The following FES variants were observed in gnomAD, a reference collection of about 807,000 sequenced individuals.
FES encodes FES proto-oncogene, tyrosine kinase, also known as tyrosine-protein kinase Fes/Fps.
FES carries 83 observed loss-of-function variants against 109.6 expected under a neutral mutation model. The ratio of observed to expected loss-of-function variants is 0.76; its 90% CI spans 0.63 to 0.91. The LOEUF (loss-of-function observed/expected upper bound fraction) is 0.91. Among genes scored for constraint, FES ranks in the 40% least tolerant of loss-of-function variants. The probability of loss-of-function intolerance (pLI) is 0.00; values close to 1 mark genes in which losing one functional copy is unlikely to be tolerated. For synonymous variants in FES, 458 were observed against 442.1 expected, an observed-to-expected ratio of 1.04 and a Z score of -0.45; for missense variants, 943 against 1,070.9, an observed-to-expected ratio of 0.88 and a Z score of 1.67.
intron 11 of FES, 134 bp downstream of exon 11, chr15:90,891,325 G>A (rs1383078118): frequency 5.1e-6 from 6 of 1,187,410 alleles, no homozygotes; most frequent in Non-Finnish European, 7.1e-6. Context: ...TGGCTGGAAG[G>A]GGCCACAGAG....
At position 90,891,044 on chromosome 15, in the gene FES, C is replaced by T. The variant is rs2033168557; in HGVS notation, c.1383C>T (p.Tyr461=). 4.4e-6 allele frequency: 7 copies of T among 1,599,036 alleles called. No individual in the cohort carries two copies. Among genetic ancestry groups the T allele is most frequent in the East Asian group, 2.2e-5 (1 of 44,480 alleles). Residue 461 remains tyrosine (Y), a synonymous_variant, in exon 11 of 19, where the codon TAC becomes TAT. Transcript: ENST00000328850. ...VQKPLHEQLW[Y]HGAIPRAEVA... The stretch of plus-strand genomic sequence containing the variant: ...AGCCCCTGCATGAGCAGCTGTGGTA[C>T]CACGGGGCCATCCCGAGGGCAGAGG...
At chr15:90,887,453 A>ATGG in intron 5 of FES, 83 bp downstream of exon 5, 1 of 1,406,016 alleles carries the variant, frequency 7.1e-7, no homozygotes, top group Non-Finnish European at 9.5e-7. Context: ...GGACCCAGAA[A>ATGG]ATCCATTGCT....
rs926857618 is a variant in FES at position 90,889,750 on chromosome 15, C to T, written c.927-90C>T. 19 of 1,602,664 alleles carry T rather than the reference C, an allele frequency of 1.2e-5. No homozygotes were observed. Among genetic ancestry groups the T allele is most frequent in the Middle Eastern group, 1.8e-4 (1 of 5,554 alleles). On this transcript the variant is annotated intron_variant, in intron 7 of 18. Coordinates refer to ENST00000328850, the MANE Select transcript of FES (RefSeq NM_002005.4). The surrounding 1 kb of genome is among the most constrained non-coding windows in gnomAD (Gnocchi z 6.1). ...CCACACAGAGCTGTCACCAGGTGGC[C>T]GGGCTTGCTTGGCTCTACAGGGATG...
chr15:90,890,537 C>G lies in FES; in HGVS notation c.1320+53C>G, dbSNP rs182579231. On this transcript the variant is annotated intron_variant, in intron 10 of 18. Transcript: ENST00000328850. ...TACTGTTGTGTTTCGAGTTTAATCA[C>G]TGGGATGTCCTAGAGAGGAGGCTCT... 1.9e-4 allele frequency: 289 copies of G among 1,505,586 alleles called. 1 individual carries two copies. In the African/African-American group the frequency reaches 3.7e-3, roughly 19 times the overall value. 93.3% of individuals were successfully genotyped at this position (1,505,586 alleles called of 1,614,324 possible). A position where few individuals can be genotyped will look rare whatever the true frequency, so the allele number is the denominator to read the frequency against.
rs893589217 is a variant in FES, at chr15:90,894,975, A to G, written c.2327-441A>G. Among the ~76,000 whole-genome samples, 16 of 150,746 alleles carry G rather than the reference A, an allele frequency of 1.1e-4. 1 individual carries two copies. The South Asian group carries it at 1.7e-3, about 16-fold the overall frequency. ...CCAGCTACTTGGGAGGCTGAGGCAC[A>G]AGAATCGCTTGAACCTGGGAGGTGG... On this transcript the variant is annotated intron_variant, in intron 18 of 18. Transcript: ENST00000328850.
chr15:90,891,841 G>C (rs1041946350), intron 12 of FES, among the ~76,000 whole-genome samples, 165 bp downstream of exon 12: 1 of 152,220 alleles, frequency 6.6e-6, no homozygotes, highest in Admixed American at 6.5e-5. Context: ...GGTTTGGAAT[G>C]TCAGGGCCAC....
Position 90,889,713 on chromosome 15 carries a change from C to A in FES, c.926+77C>A. ...AGTGTTTATGTAGGCAGGGCTAGGTCGTGGAGACTGTCCACACAGAGCTGT... is the reference window on the plus strand; with the variant it reads ...AGTGTTTATGTAGGCAGGGCTAGGTAGTGGAGACTGTCCACACAGAGCTGT... On this transcript the variant is annotated intron_variant, in intron 7 of 18. Transcript: ENST00000328850. The surrounding 1 kb of genome is among the most constrained non-coding windows in gnomAD (Gnocchi z 6.1). 6.2e-7 allele frequency: 1 copy of A among 1,604,620 alleles called. No homozygotes were observed. Among genetic ancestry groups the A allele is most frequent in the South Asian group, 1.1e-5 (1 of 90,162 alleles).
chr15:90,891,168 CACT>C lies in FES; in HGVS notation c.1508_1510del (p.His503_Phe504delinsLeu). The C allele has an allele frequency of 6.4e-7, 1 of 1,561,564 alleles. No homozygotes were observed. Among genetic ancestry groups the C allele is most frequent in the Non-Finnish European group, 8.7e-7 (1 of 1,153,006 alleles). ...GGTGCTGTGGGATGGTCTGCCCCGG[CACT>C]TCATCATCCAGTCCTTGGATGTGAG... On this transcript the variant is annotated inframe_deletion, in exon 11 of 19. Transcript: ENST00000328850.
In FES at chr15:90,895,454, G is replaced by A. The variant is rs747682932; in HGVS notation, c.2365G>A (p.Val789Met). 2.3e-5 allele frequency: 36 copies of A among 1,585,722 alleles called. No individual in the cohort carries two copies. In the Middle Eastern group the frequency reaches 1.5e-3, roughly 66 times the overall value. The stretch of plus-strand genomic sequence containing the variant: ...CTGCCCAGAGCTGTGTCCTGATGCC[G>A]TGTTCAGGCTCATGGAGCAGTGCTG... ...LPCPELCPDA[V>M]FRLMEQCWAY... Residue 789 changes from valine (V) to methionine (M), a missense_variant, in exon 19 of 19, where the codon GTG becomes ATG. Physicochemically the swap from Val to Met is conservative, Grantham distance 21. Coordinates refer to ENST00000328850, the MANE Select transcript of FES (RefSeq NM_002005.4).
In FES at chr15:90,889,568, G is replaced by A. The variant is rs2032995986; in HGVS notation, c.858G>A (p.Glu286=). ...PCVTFDESLL[E]EGEPLEPGEL... ...TCACGTTCGATGAGTCACTGCTTGAGGAGGGTGAACCGCTGGAGCCTGGGG... is the reference window on the plus strand; with the variant it reads ...TCACGTTCGATGAGTCACTGCTTGAAGAGGGTGAACCGCTGGAGCCTGGGG... Residue 286 remains glutamate (E), a synonymous_variant, in exon 7 of 19, where the codon GAG becomes GAA. Transcript: ENST00000328850. The surrounding 1 kb of genome is among the most constrained non-coding windows in gnomAD (Gnocchi z 6.1). 1 of 1,613,854 alleles carries A rather than the reference G, an allele frequency of 6.2e-7. No individual in the cohort carries two copies. Among genetic ancestry groups the A allele is most frequent in the Non-Finnish European group, 8.5e-7 (1 of 1,180,014 alleles).
At chr15:90,890,893 T>G in intron 10 of FES, 89 bp from the exon 11 acceptor site, 2 of 1,273,886 alleles carry the variant, frequency 1.6e-6, no homozygotes, top group Non-Finnish European at 2.2e-6. Context: ...GCTGAGGGCA[T>G]ATAGGGGGGA....
chr15:90,891,247 TCCCC>T, intron 11 of FES, 56 bp downstream of exon 11: 1 of 1,530,548 alleles, frequency 6.5e-7, no homozygotes, highest in Non-Finnish European at 8.8e-7. Flanking sequence ...TCCCTTCCCT[TCCCC>T]AAGGGAAATG....
intron 11 of FES, 161 bp from the exon 12 acceptor site, chr15:90,891,393 C>G (rs974006528): frequency 4.5e-6 from 5 of 1,110,782 alleles, no homozygotes; most frequent in Admixed American, 1.9e-5. Flanking sequence ...CCTGGTGGGG[C>G]AGCAGGATGT....
Position 90,889,166 on chromosome 15 carries a change from T to G in FES, c.669-140T>G. 9.8e-7 allele frequency: 1 copy of G among 1,022,194 alleles called. No individual in the cohort carries two copies. Among genetic ancestry groups the G allele is most frequent in the South Asian group, 1.6e-5 (1 of 64,204 alleles). 63.3% of individuals were successfully genotyped at this position (1,022,194 alleles called of 1,614,324 possible). Reference sequence around the variant, plus strand: ...AAGATTAGGGAGAGGTTAAATAATTTGCCTAGAGTGGCATGGCTAGCTCGA... The same window carrying G: ...AAGATTAGGGAGAGGTTAAATAATTGGCCTAGAGTGGCATGGCTAGCTCGA... On this transcript the variant is annotated intron_variant, in intron 5 of 18. Transcript: ENST00000328850. The surrounding 1 kb of genome is among the most constrained non-coding windows in gnomAD (Gnocchi z 6.1).
chr15:90,884,984 T>A, intron 1 of FES, 53 bp from the exon 2 acceptor site: 2 of 1,456,096 alleles, frequency 1.4e-6, no homozygotes, highest in Admixed American at 3.8e-5. Flanking sequence ...GTCCCATGCC[T>A]CCGTCTCCAG....
At chr15:90,891,765 C>T in intron 12 of FES, 89 bp downstream of exon 12, 1 of 1,557,774 alleles carries the variant, frequency 6.4e-7, no homozygotes, top group Non-Finnish European at 8.7e-7. Flanking sequence ...GCAGAAAGGG[C>T]TTTCCAGGCC....
intron 1 of FES, 54 bp from the exon 2 acceptor site, chr15:90,884,983 C>T: frequency 2.1e-6 from 3 of 1,448,374 alleles, no homozygotes; most frequent in Non-Finnish European, 9.4e-7. Context: ...CGTCCCATGC[C>T]TCCGTCTCCA....
chr15:90,888,924 T>C (rs562382459), intron 5 of FES, among the ~76,000 whole-genome samples: 58 of 152,222 alleles, frequency 3.8e-4, no homozygotes, highest in African/African-American at 1.4e-3. Flanking sequence ...TAGCTGGGAC[T>C]ACAGGCATGT....
chr15:90,890,592 C>G (rs977161623), intron 10 of FES, 108 bp downstream of exon 10: 2 of 1,018,302 alleles, frequency 2.0e-6, no homozygotes, highest in Non-Finnish European at 2.9e-6. Context: ...GGAAGTTCCT[C>G]TCTTCCCTGG....
Sources: gnomAD v4.1 joint callset for allele counts (sites outside exome capture counted in the v4.1 genomes callset) on GRCh38, gnomAD v4.1.1 for gene constraint, Gnocchi (gnomAD v3.1) non-coding constraint, MANE v1.5 for transcripts, NCBI Gene and HGNC (gene_info 2026-07-23, HGNC 2026-07-21) for gene names.